TBC1D7: variants seen among roughly 807,000 people sequenced by gnomAD.
TBC1D7 encodes the protein TBC domain family 7.
TBC1D7 carries 33 observed loss-of-function variants against 35.3 expected under a neutral mutation model. The ratio of observed to expected loss-of-function variants is 0.93; its 90% CI spans 0.71 to 1.25. The LOEUF is 1.25. Ranked by LOEUF, TBC1D7 falls within the 50% of genes most tolerant of loss-of-function variation. TBC1D7 has a pLI of 0.00. For missense variants in TBC1D7, 362 were observed against 365.3 expected, an observed-to-expected ratio of 0.99 and a Z score of 0.07; for synonymous variants, 135 against 129.5, an observed-to-expected ratio of 1.04 and a Z score of -0.29.
chr6:13,309,234 A>T (rs1393215673), intron 5 of TBC1D7, among the ~76,000 whole-genome samples: 1 of 152,250 alleles, frequency 6.6e-6, no homozygotes, highest in Non-Finnish European at 1.5e-5. Context: ...ACACAGAGTT[A>T]TATATTATGT....
At chr6:13,306,733 G>C (rs960784873) in intron 6 of TBC1D7, 1 of 330,822 alleles carries the variant, frequency 3.0e-6, no homozygotes, top group Non-Finnish European at 5.4e-6. Context: ...ACTAGAAGGA[G>C]AAAGGAAAGT....
In TBC1D7 at chr6:13,306,459, G is replaced by T; in HGVS notation, c.734C>A (p.Thr245Asn). 6.2e-7 allele frequency: 1 copy of T among 1,608,998 alleles called. No individual in the cohort carries two copies. Among genetic ancestry groups the T allele is most frequent in the Non-Finnish European group, 8.5e-7 (1 of 1,177,808 alleles). Residue 245 changes from threonine to asparagine, a missense_variant, in exon 7 of 8, where the codon ACC (threonine) becomes AAC (asparagine). Coordinates refer to ENST00000379300, the MANE Select transcript of TBC1D7 (RefSeq NM_016495.6). ...CAGTGCCATAACTTTTATTTTAAAG[G>T]TTAATAAAATTTCGACAGCTACAAA... ...LVFVAVEILL[T>N]FKIKVMALNS...
chr6:13,316,583 G>A lies in TBC1D7; in HGVS notation c.507C>T (p.Ser169=), dbSNP rs1327492171. The A allele has an allele frequency of 1.9e-6, 3 of 1,607,510 alleles. No individual in the cohort carries two copies. In the East Asian group the frequency reaches 6.7e-5, roughly 36 times the overall value. ...VNQLNTKYRD[S]LPQLPKAFEQ... ...AAAAAGCCCTCACCAACTGGGGCAAGGAATCCCGGTACTTGGTATTTAATT... is the reference window on the plus strand; with the variant it reads ...AAAAAGCCCTCACCAACTGGGGCAAAGAATCCCGGTACTTGGTATTTAATT... Residue 169 remains serine (S), a synonymous_variant, in exon 5 of 8, where the codon TCC becomes TCT. Coordinates refer to ENST00000379300, the MANE Select transcript of TBC1D7 (RefSeq NM_016495.6).
At chr6:13,320,756 G>T in intron 4 of TBC1D7, 152 bp downstream of exon 4, 1 of 784,574 alleles carries the variant, frequency 1.3e-6, no homozygotes, top group Non-Finnish European at 2.3e-6. Context: ...AATGTGCATG[G>T]CCATGAATGC....
chr6:13,307,470 G>A, intron 6 of TBC1D7, 130 bp downstream of exon 6: 1 of 873,876 alleles, frequency 1.1e-6, no homozygotes, highest in Admixed American at 2.3e-5. Flanking sequence ...TACGGTAGCT[G>A]CTGGAGGACT....
At chr6:13,317,693 G>A (rs566394105) in intron 4 of TBC1D7, among the ~76,000 whole-genome samples, 9 of 152,292 alleles carry the variant, frequency 5.9e-5, no homozygotes, top group South Asian at 2.1e-4. Flanking sequence ...TTGGACTCCC[G>A]TGCAGTTCTG....
intron 5 of TBC1D7, 106 bp from the exon 6 acceptor site, chr6:13,307,851 T>TACTTCC: frequency 8.2e-7 from 1 of 1,226,024 alleles, no homozygotes; most frequent in Non-Finnish European, 1.1e-6. Flanking sequence ...CAAGGAAGTA[T>TACTTCC]TAGAAAACAA....
chr6:13,315,914 C>T (rs2127532908), intron 5 of TBC1D7, among the ~76,000 whole-genome samples: 1 of 152,348 alleles, frequency 6.6e-6, no homozygotes, highest in African/African-American at 2.4e-5. Flanking sequence ...GTCAGCTGTA[C>T]ATGCAGAGGG....
At chr6:13,324,992 A>C in intron 3 of TBC1D7, 102 bp downstream of exon 3, 1 of 802,182 alleles carries the variant, frequency 1.2e-6, no homozygotes, top group Non-Finnish European at 2.0e-6. Flanking sequence ...ATATTCAGTA[A>C]AAGGCCTAAA....
At position 13,325,146 on chromosome 6, in the gene TBC1D7, CTGACTAAAAGTA is replaced by C; in HGVS notation, c.129_140del (p.Cys43_Gln47delinsTrp). ...GGTACATGGACGGGAGAGGGAACCTCTGACTAAAAGTACAAAGTTTCTCAGTATCTAGAGGAA... is the reference window on the plus strand; with the variant it reads ...GGTACATGGACGGGAGAGGGAACCTCCAAAGTTTCTCAGTATCTAGAGGAA... On this transcript the variant is annotated inframe_deletion, in exon 3 of 8. Transcript: ENST00000379300. 6.2e-7 allele frequency: 1 copy of C among 1,613,726 alleles called. No individual in the cohort carries two copies. Among genetic ancestry groups the C allele is most frequent in the South Asian group, 1.1e-5 (1 of 91,032 alleles).
intron 3 of TBC1D7, among the ~76,000 whole-genome samples, chr6:13,324,365 T>C (rs973542302): frequency 6.6e-6 from 1 of 152,150 alleles, no homozygotes; most frequent in Admixed American, 6.5e-5. Context: ...CCTGACTGCG[T>C]GATCTGCCCG....
intron 5 of TBC1D7, among the ~76,000 whole-genome samples, chr6:13,312,646 CGCACCACT>C (rs924475793): frequency 1.3e-5 from 2 of 149,372 alleles, no homozygotes; most frequent in Admixed American, 1.3e-4. Flanking sequence ...GAGCTGAGAT[CGCACCACT>C]GCACTCCAGC....
rs1258102080 is a variant in TBC1D7 at position 13,306,411 on chromosome 6, TTTG to T, written c.779_781del (p.Thr260del). 2.3e-5 allele frequency: 36 copies of T among 1,583,898 alleles called. No homozygotes were observed. Among genetic ancestry groups the T allele is most frequent in the Non-Finnish European group, 2.8e-5 (33 of 1,171,924 alleles). ...AAGCACACTTACATTTTCCAGAAACTTTGTTATCTTCTCTGCACTGTTCAGTGC... is the reference window on the plus strand; with the variant it reads ...AAGCACACTTACATTTTCCAGAAACTTTATCTTCTCTGCACTGTTCAGTGC... On this transcript the variant is annotated inframe_deletion, in exon 7 of 8. Transcript: ENST00000379300.
At chr6:13,317,028 A>C (rs1391786377) in intron 4 of TBC1D7, among the ~76,000 whole-genome samples, 1 of 152,224 alleles carries the variant, frequency 6.6e-6, no homozygotes, top group Non-Finnish European at 1.5e-5. Context: ...ACCCAAAAAT[A>C]TTCTCAGTAC....
intron 4 of TBC1D7, chr6:13,320,577 T>C (rs1232128191): frequency 3.5e-6 from 2 of 572,122 alleles, no homozygotes; most frequent in African/African-American, 3.7e-5. Flanking sequence ...TTTAACTTTT[T>C]AAATAATGTT....
chr6:13,316,562 A>G lies in TBC1D7; in HGVS notation c.519+9T>C, dbSNP rs1358983381. ...TCTCCAATAGCCAAAAAAAAAAAAA[A>G]GCCCTCACCAACTGGGGCAAGGAAT... On this transcript the variant is annotated intron_variant, in intron 5 of 7. Transcript: ENST00000379300. 2.5e-6 allele frequency: 4 copies of G among 1,579,006 alleles called. No homozygotes were observed. The highest frequency in any genetic ancestry group is 8.5e-7 in the Non-Finnish European group (1 of 1,171,312).
rs375129826 is a variant in TBC1D7 at position 13,307,765 on chromosome 6, A to G, written c.520-20T>C. 6.2e-7 allele frequency: 1 copy of G among 1,606,292 alleles called. No individual in the cohort carries two copies. The highest frequency in any genetic ancestry group is 1.3e-5 in the African/African-American group (1 of 74,700). On this transcript the variant is annotated intron_variant, in intron 5 of 7. Coordinates refer to ENST00000379300, the MANE Select transcript of TBC1D7 (RefSeq NM_016495.6). Reference sequence around the variant, plus strand: ...TTTTGGCTAAAGATTAAGCAAGAACAGAGATTATTCATTTTCTGTGTCATA... The same window carrying G: ...TTTTGGCTAAAGATTAAGCAAGAACGGAGATTATTCATTTTCTGTGTCATA...
intron 4 of TBC1D7, among the ~76,000 whole-genome samples, chr6:13,316,927 T>C (rs1284183510): frequency 6.6e-6 from 1 of 152,094 alleles, no homozygotes; most frequent in East Asian, 1.9e-4. Flanking sequence ...ATGACCAGGT[T>C]TCAGGCTGAG....
At chr6:13,309,853 T>C (rs576345592) in intron 5 of TBC1D7, among the ~76,000 whole-genome samples, 1 of 152,282 alleles carries the variant, frequency 6.6e-6, no homozygotes, top group African/African-American at 2.4e-5. Context: ...AGAGAGCTTT[T>C]TAAAATGGAG....
Sources: allele counts gnomAD v4.1 joint callset (sites outside exome capture counted in the v4.1 genomes callset), GRCh38; gene constraint gnomAD v4.1.1; transcripts MANE v1.5; gene names NCBI Gene and HGNC (gene_info 2026-07-23, HGNC 2026-07-21).